The following SGCZ variants were observed in gnomAD, a reference collection of about 807,000 sequenced individuals.
The protein encoded by SGCZ is sarcoglycan zeta, also known as zeta-sarcoglycan.
A neutral mutation model predicts 41.3 loss-of-function variants in SGCZ; 40 were observed. That is an observed-to-expected ratio of 0.97 (90% CI 0.75 to 1.26). SGCZ has a LOEUF of 1.26. SGCZ is among the 50% of genes most tolerant of loss of function. SGCZ has a pLI of 0.00. For missense variants in SGCZ, 552 were observed against 369.8 expected (o/e 1.49, Z -4.04); for synonymous variants, 206 against 137.5 (o/e 1.50, Z -3.49).
chr8:14,751,498 G>A (rs999400102), intron 1 of SGCZ, among the ~76,000 whole-genome samples: 1 of 152,142 alleles, frequency 6.6e-6, no homozygotes, highest in East Asian at 1.9e-4. Context: ...CCATGAAAAG[G>A]ATTATAATTT....
chr8:14,231,141 T>G (rs1806551502), intron 4 of SGCZ, among the ~76,000 whole-genome samples: 2 of 139,698 alleles, frequency 1.4e-5, no homozygotes, highest in South Asian at 2.3e-4. Flanking sequence ...GTACTTTCCT[T>G]GCTTTGATTC....
At chr8:14,840,035 C>T (rs74303178) in intron 1 of SGCZ, among the ~76,000 whole-genome samples, 43,529 of 151,808 alleles carry the variant, frequency 0.29, 6,320 homozygotes, top group East Asian at 0.44. Flanking sequence ...ACCAGTAATG[C>T]GGAGAAACCA....
At chr8:14,631,962 G>C (rs904951385) in intron 1 of SGCZ, among the ~76,000 whole-genome samples, 1 of 152,068 alleles carries the variant, frequency 6.6e-6, no homozygotes, top group Admixed American at 6.6e-5. Flanking sequence ...CATAATGTTT[G>C]TTACATTATT....
At chr8:15,101,553 G>C (rs559527117) in intron 1 of SGCZ, among the ~76,000 whole-genome samples, 1 of 152,114 alleles carries the variant, frequency 6.6e-6, no homozygotes, top group Non-Finnish European at 1.5e-5. Context: ...TATTAGAATG[G>C]CTATAACTGA....
intron 1 of SGCZ, among the ~76,000 whole-genome samples, chr8:15,010,667 C>A (rs1447965545): frequency 1.3e-5 from 2 of 152,128 alleles, no homozygotes; most frequent in Non-Finnish European, 2.9e-5. Context: ...ACTGTCAGTA[C>A]AGGAAGCCAG....
intron 1 of SGCZ, among the ~76,000 whole-genome samples, chr8:15,184,675 C>A (rs981943663): frequency 2.0e-5 from 3 of 152,180 alleles, no homozygotes; most frequent in Middle Eastern, 3.4e-3. Flanking sequence ...TCACACACAC[C>A]CTTCCTGCTT....
intron 1 of SGCZ, among the ~76,000 whole-genome samples, chr8:14,718,356 T>C (rs985087290): frequency 6.6e-6 from 1 of 151,924 alleles, no homozygotes; most frequent in Non-Finnish European, 1.5e-5. Flanking sequence ...TCAGGAAAAG[T>C]AGACAGAAAG....
chr8:14,401,924 T>C (rs1460919923), intron 2 of SGCZ, among the ~76,000 whole-genome samples: 4 of 150,958 alleles, frequency 2.6e-5, no homozygotes, highest in Middle Eastern at 3.4e-3. Context: ...AGTGTTCCTA[T>C]TTCTCCACAA....
At chr8:14,755,744 G>A (rs1799644057) in intron 1 of SGCZ, among the ~76,000 whole-genome samples, 1 of 152,032 alleles carries the variant, frequency 6.6e-6, no homozygotes, top group Admixed American at 6.6e-5. Flanking sequence ...TGCCCTGATT[G>A]CTCATAACTG....
At chr8:14,762,843 T>C (rs564629750) in intron 1 of SGCZ, among the ~76,000 whole-genome samples, 1 of 152,192 alleles carries the variant, frequency 6.6e-6, no homozygotes, top group African/African-American at 2.4e-5. Flanking sequence ...TGTCTTCAAA[T>C]GATCAGTTAG....
At chr8:14,238,819 A>G (rs1806862395) in intron 3 of SGCZ, among the ~76,000 whole-genome samples, 1 of 152,116 alleles carries the variant, frequency 6.6e-6, no homozygotes, top group Non-Finnish European at 1.5e-5. Context: ...TGGATGCTGA[A>G]ATACTATGAA....
At chr8:14,430,008 C>T (rs920941645) in intron 2 of SGCZ, among the ~76,000 whole-genome samples, 2 of 151,966 alleles carry the variant, frequency 1.3e-5, no homozygotes, top group African/African-American at 2.4e-5. Context: ...GTAATATCTC[C>T]CATTTCATTT....
At chr8:14,146,997 G>T (rs1334695884) in intron 5 of SGCZ, among the ~76,000 whole-genome samples, 2 of 151,350 alleles carry the variant, frequency 1.3e-5, no homozygotes, top group African/African-American at 4.9e-5. Context: ...AAAAGCCAAG[G>T]CTTAGAGTTT....
At chr8:14,980,853 C>G (rs1313035309) in intron 1 of SGCZ, among the ~76,000 whole-genome samples, 2 of 150,448 alleles carry the variant, frequency 1.3e-5, no homozygotes, top group East Asian at 3.9e-4. Flanking sequence ...TAATCTGTCT[C>G]TCTATCTATC....
chr8:15,058,338 A>C (rs1418700763), intron 1 of SGCZ, among the ~76,000 whole-genome samples: 3 of 152,138 alleles, frequency 2.0e-5, no homozygotes, highest in Non-Finnish European at 4.4e-5. Context: ...GGGGTGAAAA[A>C]ATGGCAAGTT....
intron 2 of SGCZ, among the ~76,000 whole-genome samples, chr8:14,466,543 C>A (rs1422648018): frequency 1.3e-5 from 2 of 151,952 alleles, no homozygotes; most frequent in Non-Finnish European, 2.9e-5. Context: ...AACATAATTT[C>A]TGTCCACTGT....
chr8:14,383,060 C>G (rs1212302766), intron 2 of SGCZ, among the ~76,000 whole-genome samples: 2 of 152,086 alleles, frequency 1.3e-5, no homozygotes, highest in African/African-American at 2.4e-5. Context: ...ATGTTTTGTT[C>G]CCAAAATTGT....
chr8:14,475,035 C>T lies in SGCZ; in HGVS notation c.234+79697G>A, dbSNP rs368816356. ...CTCCAATCTAGCATCAGGCTGTGGA[C>T]TTATCCAATGAGTTATTTTGTTGTT... On this transcript the variant is annotated intron_variant, in intron 2 of 7. Coordinates refer to ENST00000382080, the MANE Select transcript of SGCZ (RefSeq NM_139167.4). Among the ~76,000 whole-genome samples the T allele has an allele frequency of 6.6e-5, 10 of 152,224 alleles. No homozygotes were observed. In the South Asian group the frequency reaches 2.1e-3, roughly 32 times the overall value.
intron 5 of SGCZ, among the ~76,000 whole-genome samples, chr8:14,121,533 T>A (rs1802695947): frequency 6.6e-6 from 1 of 152,208 alleles, no homozygotes; most frequent in African/African-American, 2.4e-5. Context: ...ATACAGGGTT[T>A]TTTTGGTATT....
Sources: allele counts gnomAD v4.1 joint callset (sites outside exome capture counted in the v4.1 genomes callset), GRCh38; gene constraint gnomAD v4.1.1; transcripts MANE v1.5; gene names NCBI Gene and HGNC (gene_info 2026-07-23, HGNC 2026-07-21).